The following GRIN2A variants were observed in gnomAD, a reference collection of about 807,000 sequenced individuals.
The protein encoded by GRIN2A is glutamate receptor ionotropic, NMDA 2A.
In GRIN2A, 22 loss-of-function variants were observed where a neutral mutation model predicts 113.4. The ratio of observed to expected loss-of-function variants is 0.19; its 90% CI spans 0.14 to 0.28. GRIN2A has a LOEUF of 0.28. Ranked by LOEUF, GRIN2A falls within the 10% of genes least tolerant of loss-of-function variation. GRIN2A has a pLI of 1.00. For synonymous variants in GRIN2A, 827 were observed against 738.4 expected (o/e 1.12, Z -1.94); for missense variants, 1,502 against 1,887.0 (o/e 0.80, Z 3.78).
intron 2 of GRIN2A, among the ~76,000 whole-genome samples, chr16:10,097,700 G>A (rs575374296): frequency 2.4e-4 from 36 of 152,206 alleles, no homozygotes; most frequent in African/African-American, 7.9e-4. Flanking sequence ...AACTGCATCC[G>A]ACCCTCCTGC....
intron 2 of GRIN2A, among the ~76,000 whole-genome samples, chr16:9,939,438 G>T (rs1447039719): frequency 6.6e-6 from 1 of 152,158 alleles, no homozygotes; most frequent in African/African-American, 2.4e-5. Context: ...GTCACTGAAT[G>T]CTCTCACCCT....
chr16:9,989,023 G>A (rs1310417507), intron 2 of GRIN2A, among the ~76,000 whole-genome samples: 1 of 152,134 alleles, frequency 6.6e-6, no homozygotes, highest in Non-Finnish European at 1.5e-5. Flanking sequence ...TAAGACTTTG[G>A]TGCTCTCTGA....
At chr16:10,013,698 G>C (rs1298598635) in intron 2 of GRIN2A, among the ~76,000 whole-genome samples, 2 of 152,202 alleles carry the variant, frequency 1.3e-5, no homozygotes, top group Non-Finnish European at 2.9e-5. Context: ...CAAGGACAGC[G>C]AAACCATGAC....
At chr16:10,024,095 T>C (rs2046774134) in intron 2 of GRIN2A, among the ~76,000 whole-genome samples, 1 of 152,116 alleles carries the variant, frequency 6.6e-6, no homozygotes, top group Non-Finnish European at 1.5e-5. Flanking sequence ...GGCATTCACC[T>C]CTCCCTAGGA....
rs181915541 is a variant in GRIN2A at position 9,782,058 on chromosome 16, T to C, written c.2357-12969A>G. Among the ~76,000 whole-genome samples, 165 of 152,274 alleles carry C rather than the reference T, an allele frequency of 1.1e-3. 2 individuals carry two copies. The highest frequency in any genetic ancestry group is 3.3e-3 in the African/African-American group (137 of 41,566). On this transcript the variant is annotated intron_variant, in intron 11 of 12. Coordinates refer to ENST00000330684, the MANE Select transcript of GRIN2A (RefSeq NM_001134407.3). Reference sequence around the variant, plus strand: ...GTAACAGGGATCAGGAGATAATACATAAATTAAAAACAATTATGTTAAAGT... The same window carrying C: ...GTAACAGGGATCAGGAGATAATACACAAATTAAAAACAATTATGTTAAAGT...
chr16:10,138,638 C>G (rs989784017), intron 2 of GRIN2A, among the ~76,000 whole-genome samples: 4 of 152,094 alleles, frequency 2.6e-5, no homozygotes, highest in African/African-American at 9.7e-5. Flanking sequence ...CAGAGCCAAA[C>G]CATATCAGAG....
chr16:9,844,965 T>A (rs993564122), intron 5 of GRIN2A, among the ~76,000 whole-genome samples: 12 of 152,130 alleles, frequency 7.9e-5, no homozygotes, highest in Admixed American at 5.9e-4. Context: ...AACAAAAAGG[T>A]TTCACACAAT....
Position 9,756,640 on chromosome 16 carries a change from C to T in GRIN2A, c.*6509G>A. 1 of 194,476 alleles carries T rather than the reference C, an allele frequency of 5.1e-6. No homozygotes were observed. The highest frequency in any genetic ancestry group is 1.1e-5 in the Non-Finnish European group (1 of 93,426). The allele number at this position is 194,476 out of a possible 1,614,324, so 12.0% of individuals were successfully genotyped here. A position where few individuals can be genotyped will look rare whatever the true frequency, so the allele number is the denominator to read the frequency against. ...TCCTTATCTGTAAAATGGGAGCAATCATATTTATATCTTAAGGTTGTTTTG... is the reference window on the plus strand; with the variant it reads ...TCCTTATCTGTAAAATGGGAGCAATTATATTTATATCTTAAGGTTGTTTTG... On this transcript the variant is annotated 3_prime_UTR_variant, in exon 13 of 13. Transcript: ENST00000330684.
At chr16:9,783,776 T>G (rs1232726871) in intron 11 of GRIN2A, among the ~76,000 whole-genome samples, 1 of 152,214 alleles carries the variant, frequency 6.6e-6, no homozygotes, top group Non-Finnish European at 1.5e-5. Flanking sequence ...GGATAAAATG[T>G]TTCTAAATGG....
intron 10 of GRIN2A, among the ~76,000 whole-genome samples, chr16:9,803,700 T>C (rs1300074691): frequency 1.3e-5 from 2 of 152,166 alleles, no homozygotes; most frequent in Admixed American, 1.3e-4. Context: ...GCCATCCCCA[T>C]TGTCAGATGG....
chr16:9,822,470 A>G (rs1567324148), intron 9 of GRIN2A, 46 bp from the exon 10 acceptor site: 2 of 1,272,922 alleles, frequency 1.6e-6, no homozygotes, highest in Non-Finnish European at 2.3e-6. Context: ...GAAAAGAAAG[A>G]GAAGGGAGGA....
intron 2 of GRIN2A, among the ~76,000 whole-genome samples, chr16:10,051,255 G>C (rs2047354562): frequency 6.6e-6 from 1 of 152,192 alleles, no homozygotes; most frequent in South Asian, 2.1e-4. Flanking sequence ...CTTTGGGACT[G>C]TTTTTCCTCT....
At chr16:9,990,559 G>GCACA (rs1374648465) in intron 2 of GRIN2A, among the ~76,000 whole-genome samples, 42 of 94,636 alleles carry the variant, frequency 4.4e-4, no homozygotes, top group African/African-American at 7.7e-4. Flanking sequence ...GCGCGCGCGC[G>GCACA]CGCGCACACA....
At chr16:10,161,438 G>A (rs951267136) in intron 2 of GRIN2A, among the ~76,000 whole-genome samples, 4 of 152,100 alleles carry the variant, frequency 2.6e-5, no homozygotes, top group African/African-American at 9.7e-5. Context: ...GGGAAAAATG[G>A]ACACACTTAT....
At chr16:9,791,893 T>G (rs567484838) in intron 11 of GRIN2A, among the ~76,000 whole-genome samples, 1 of 152,242 alleles carries the variant, frequency 6.6e-6, no homozygotes, top group Admixed American at 6.5e-5. Context: ...CTCCAAGATC[T>G]GTGAGCATCA....
chr16:9,771,436 T>C (rs1323393798), intron 11 of GRIN2A, among the ~76,000 whole-genome samples: 1 of 152,186 alleles, frequency 6.6e-6, no homozygotes, highest in Non-Finnish European at 1.5e-5. Flanking sequence ...CAGTTCTGCC[T>C]GTTCTTTTTA....
In GRIN2A at chr16:9,937,926, T is replaced by A. The variant is rs766764276; in HGVS notation, c.1007+33A>T. ...AACAATGACAACAGCAAAACTCTGA[T>A]CCCACTTTGGGAGACAACAAGCCCT... On this transcript the variant is annotated intron_variant, in intron 3 of 12. Coordinates refer to ENST00000330684, the MANE Select transcript of GRIN2A (RefSeq NM_001134407.3). 2.0e-6 allele frequency: 3 copies of A among 1,479,390 alleles called. No homozygotes were observed. The Admixed American group carries it at 5.0e-5, about 25-fold the overall frequency. The allele number at this position is 1,479,390 out of a possible 1,614,324, so 91.6% of individuals were successfully genotyped here.
At chr16:10,166,620 CT>C (rs2049930309) in intron 2 of GRIN2A, among the ~76,000 whole-genome samples, 2 of 152,220 alleles carry the variant, frequency 1.3e-5, no homozygotes, top group African/African-American at 2.4e-5. Context: ...TTATGAGTCT[CT>C]CCAGCTAGAT....
chr16:10,065,680 C>T (rs914309510), intron 2 of GRIN2A, among the ~76,000 whole-genome samples: 1 of 152,128 alleles, frequency 6.6e-6, no homozygotes, highest in Non-Finnish European at 1.5e-5. Flanking sequence ...GTAGCGTGTG[C>T]TCAGTAGTGT....
Sources: allele counts gnomAD v4.1 joint callset (sites outside exome capture counted in the v4.1 genomes callset), GRCh38; gene constraint gnomAD v4.1.1; transcripts MANE v1.5; gene names NCBI Gene and HGNC (gene_info 2026-07-23, HGNC 2026-07-21).